Variants in MARK1 observed in about 807,000 individuals in gnomAD.
MARK1 encodes the protein microtubule affinity regulating kinase 1, also known as serine/threonine-protein kinase MARK1.
Under a neutral mutation model 96.3 loss-of-function variants are expected in MARK1, and 40 were observed. The ratio of observed to expected loss-of-function variants is 0.42; its 90% CI spans 0.32 to 0.54. The LOEUF is 0.54. Among genes scored for constraint, MARK1 ranks in the 20% least tolerant of loss-of-function variants. The probability of loss-of-function intolerance (pLI) is 0.16; values close to 1 mark genes in which losing one functional copy is unlikely to be tolerated. For synonymous variants in MARK1, 317 were observed against 341.2 expected (o/e 0.93, Z 0.78); for missense variants, 719 against 984.6 (o/e 0.73, Z 3.61).
chr1:220,660,763 G>C (rs1669435526), intron 17 of MARK1, among the ~76,000 whole-genome samples: 1 of 152,210 alleles, frequency 6.6e-6, no homozygotes, highest in Non-Finnish European at 1.5e-5. Flanking sequence ...AATTCAGTGA[G>C]ATTTAGTCAT....
intron 5 of MARK1, among the ~76,000 whole-genome samples, chr1:220,603,322 G>A (rs1451112285): frequency 6.6e-6 from 1 of 151,952 alleles, no homozygotes; most frequent in Non-Finnish European, 1.5e-5. Flanking sequence ...TAAAGTAATG[G>A]ATCCAGTAGA....
chr1:220,553,166 A>G lies in MARK1; in HGVS notation c.51+24293A>G, dbSNP rs556341619. Among the ~76,000 whole-genome samples the G allele has an allele frequency of 3.3e-5, 5 of 152,336 alleles. No individual in the cohort carries two copies. The East Asian group carries it at 9.6e-4, about 29-fold the overall frequency. On this transcript the variant is annotated intron_variant, in intron 1 of 17. Transcript: ENST00000366917. ...GATTTCCTCCTTGTTACTAATTTTC[A>G]AGTCATACTCTTTCTAAGTCCTTGA...
intron 9 of MARK1, chr1:220,626,061 C>G: frequency 1.7e-6 from 1 of 580,748 alleles, no homozygotes. Context: ...TGTTTGAATT[C>G]TTACAGTTGT....
At chr1:220,614,505 G>A (rs995552336) in intron 6 of MARK1, among the ~76,000 whole-genome samples, 2 of 151,582 alleles carry the variant, frequency 1.3e-5, no homozygotes, top group African/African-American at 4.8e-5. Flanking sequence ...ATTCTACCTT[G>A]TATTATAGGG....
intron 9 of MARK1, among the ~76,000 whole-genome samples, chr1:220,621,949 T>G (rs1220759500): frequency 1.3e-5 from 2 of 152,184 alleles, no homozygotes; most frequent in East Asian, 3.8e-4. Flanking sequence ...TAAAAATTAT[T>G]GAAATTAGTT....
At chr1:220,657,717 A>G in intron 16 of MARK1, 73 bp from the exon 17 acceptor site, 3 of 1,106,824 alleles carry the variant, frequency 2.7e-6, no homozygotes, top group Non-Finnish European at 2.5e-6. Flanking sequence ...ATTTTAAAAT[A>G]ATTTTAGATA....
intron 13 of MARK1, among the ~76,000 whole-genome samples, chr1:220,636,705 A>G (rs1378410130): frequency 6.6e-6 from 1 of 152,026 alleles, no homozygotes; most frequent in Non-Finnish European, 1.5e-5. Context: ...GAATTTATAG[A>G]TACCAAAAAA....
In MARK1 at chr1:220,662,322, A is replaced by T; in HGVS notation, c.*156A>T. On this transcript the variant is annotated 3_prime_UTR_variant, in exon 18 of 18. Transcript: ENST00000366917. Reference sequence around the variant, plus strand: ...GTTATACATAGTTATGAACTGTAAAATTAAAGTCAGTATGAACTATAATAA... The same window carrying T: ...GTTATACATAGTTATGAACTGTAAATTTAAAGTCAGTATGAACTATAATAA... 1 of 596,328 alleles carries T rather than the reference A, an allele frequency of 1.7e-6. No individual in the cohort carries two copies. The highest frequency in any genetic ancestry group is 2.9e-6 in the Non-Finnish European group (1 of 339,718). 36.9% of individuals were successfully genotyped at this position (596,328 alleles called of 1,614,324 possible).
chr1:220,636,241 C>T (rs1008660637), intron 13 of MARK1, among the ~76,000 whole-genome samples: 3 of 152,146 alleles, frequency 2.0e-5, no homozygotes, highest in Non-Finnish European at 4.4e-5. Context: ...AACCTCAACA[C>T]AAAATGGTAC....
intron 1 of MARK1, among the ~76,000 whole-genome samples, chr1:220,561,057 G>C (rs757279237): frequency 5.9e-5 from 9 of 152,068 alleles, no homozygotes; most frequent in Non-Finnish European, 1.2e-4. Flanking sequence ...AGGGAAGTTA[G>C]GGATGTTTGC....
chr1:220,561,370 G>C lies in MARK1; in HGVS notation c.52-17984G>C, dbSNP rs534069465. Among the ~76,000 whole-genome samples, 6 of 151,892 alleles carry C rather than the reference G, an allele frequency of 4.0e-5. No homozygotes were observed. The South Asian group carries it at 1.2e-3, about 32-fold the overall frequency. On this transcript the variant is annotated intron_variant, in intron 1 of 17. Coordinates refer to ENST00000366917, the MANE Select transcript of MARK1 (RefSeq NM_018650.5). The stretch of plus-strand genomic sequence containing the variant: ...CTTAAAACATTACGAGAATTTCTGT[G>C]ATTTTTTTTTTAAGTTCATCAGCTG...
rs939122820 is a variant in MARK1 at position 220,663,370 on chromosome 1, T to A, written c.*1204T>A. ...ATTATGCCTATAATGTGCCGCTTTG[T>A]GATTGGGCATTTGCCTACTTTTCTT... On this transcript the variant is annotated 3_prime_UTR_variant, in exon 18 of 18. Coordinates refer to ENST00000366917, the MANE Select transcript of MARK1 (RefSeq NM_018650.5). 1 of 152,642 alleles carries A rather than the reference T, an allele frequency of 6.6e-6. No homozygotes were observed. 9.5% of individuals were successfully genotyped at this position (152,642 alleles called of 1,614,324 possible).
chr1:220,602,457 T>C (rs1395815814), intron 5 of MARK1, among the ~76,000 whole-genome samples: 1 of 152,168 alleles, frequency 6.6e-6, no homozygotes, highest in East Asian at 1.9e-4. Context: ...AAGTAAATCA[T>C]ACACAAACAA....
chr1:220,627,618 G>A, intron 9 of MARK1: 1 of 235,848 alleles, frequency 4.2e-6, no homozygotes. Context: ...AGCTATGCTG[G>A]GTGAACTCTT....
In MARK1 at chr1:220,575,069, G is replaced by A. The variant is rs540364587; in HGVS notation, c.52-4285G>A. Among the ~76,000 whole-genome samples, 5 of 152,290 alleles carry A rather than the reference G, an allele frequency of 3.3e-5. No homozygotes were observed. In the South Asian group the frequency reaches 1.0e-3, roughly 32 times the overall value. On this transcript the variant is annotated intron_variant, in intron 1 of 17. Transcript: ENST00000366917. ...CAGTGAGTAGAAGAACTTCATTTCA[G>A]TCAGTATTAAAGGCGGGGAAAATTC...
intron 6 of MARK1, among the ~76,000 whole-genome samples, chr1:220,615,292 A>G (rs938765363): frequency 1.3e-5 from 2 of 152,140 alleles, no homozygotes; most frequent in Non-Finnish European, 2.9e-5. Flanking sequence ...TACAAAATCA[A>G]GTTACAGGCA....
chr1:220,595,123 T>G (rs1266487191), intron 3 of MARK1, among the ~76,000 whole-genome samples: 1 of 152,140 alleles, frequency 6.6e-6, no homozygotes. Flanking sequence ...TGGAAACTGT[T>G]TGTACTTCCT....
chr1:220,618,490 G>A lies in MARK1; in HGVS notation c.733G>A (p.Val245Ile), dbSNP rs761658090. 27 of 1,614,032 alleles carry A rather than the reference G, an allele frequency of 1.7e-5. No homozygotes were observed. The highest frequency in any genetic ancestry group is 1.7e-4 in the Admixed American group (10 of 60,000). Residue 245 changes from valine to isoleucine, a missense_variant, in exon 8 of 18, where the codon GTC becomes ATC. Coordinates refer to ENST00000366917, the MANE Select transcript of MARK1 (RefSeq NM_018650.5). This position sits in a 1 kb window ranked among gnomAD's most constrained non-coding sequence, Gnocchi z 4.6. Reference sequence around the variant, plus strand: ...TGAAGTGGATGTGTGGAGTCTGGGCGTCATTCTCTATACATTAGTCAGTGG... The same window carrying A: ...TGAAGTGGATGTGTGGAGTCTGGGCATCATTCTCTATACATTAGTCAGTGG... Reference protein sequence around the residue: ...GPEVDVWSLGVILYTLVSGSL... With the variant: ...GPEVDVWSLGIILYTLVSGSL...
chr1:220,547,134 C>A (rs1661556794), intron 1 of MARK1, among the ~76,000 whole-genome samples: 1 of 152,162 alleles, frequency 6.6e-6, no homozygotes. Flanking sequence ...TACCTGTAAA[C>A]TGTCTTGGGT....
Sources: gnomAD v4.1 joint callset for allele counts (sites outside exome capture counted in the v4.1 genomes callset) on GRCh38, gnomAD v4.1.1 for gene constraint, Gnocchi (gnomAD v3.1) non-coding constraint, MANE v1.5 for transcripts, NCBI Gene and HGNC (gene_info 2026-07-23, HGNC 2026-07-21) for gene names.